Variants in PAPPA observed in about 807,000 individuals in gnomAD.
The protein encoded by PAPPA is pappalysin 1, also known as pappalysin-1.
PAPPA carries 60 observed loss-of-function variants against 164.0 expected under a neutral mutation model. The observed-to-expected ratio is 0.37, with a 90% confidence interval of 0.30 to 0.45. PAPPA has a LOEUF of 0.45. Among genes scored for constraint, PAPPA ranks in the 20% least tolerant of loss-of-function variants. PAPPA has a pLI of 1.00. For missense variants in PAPPA, 1,782 were observed against 2,087.3 expected, an observed-to-expected ratio of 0.85 and a Z score of 2.85; for synonymous variants, 875 against 814.1, an observed-to-expected ratio of 1.07 and a Z score of -1.27.
At chr9:116,343,838 G>A (rs1846170636) in intron 13 of PAPPA, among the ~76,000 whole-genome samples, 1 of 151,810 alleles carries the variant, frequency 6.6e-6, no homozygotes. Flanking sequence ...TCAGCTCACT[G>A]CAACCTCCAC....
At chr9:116,223,905 G>A (rs765800013) in intron 5 of PAPPA, among the ~76,000 whole-genome samples, 6 of 152,140 alleles carry the variant, frequency 3.9e-5, no homozygotes, top group African/African-American at 7.2e-5. Context: ...TCCTGCCCAC[G>A]TCACCTGGCT....
intron 7 of PAPPA, among the ~76,000 whole-genome samples, chr9:116,261,562 C>T (rs989704971): frequency 6.6e-6 from 1 of 152,108 alleles, no homozygotes; most frequent in African/African-American, 2.4e-5. Flanking sequence ...TTTTAATTGA[C>T]CTATCATATT....
At chr9:116,297,545 C>T (rs1479414702) in intron 9 of PAPPA, among the ~76,000 whole-genome samples, 1 of 152,168 alleles carries the variant, frequency 6.6e-6, no homozygotes, top group African/African-American at 2.4e-5. Context: ...CATAAATTCC[C>T]AAAGTTTCTA....
At chr9:116,354,850 C>T (rs1470834426) in intron 17 of PAPPA, among the ~76,000 whole-genome samples, 1 of 152,064 alleles carries the variant, frequency 6.6e-6, no homozygotes, top group Non-Finnish European at 1.5e-5. Context: ...AACCAGGAGC[C>T]CCCGTCCCTT....
intron 9 of PAPPA, among the ~76,000 whole-genome samples, chr9:116,281,789 A>G (rs1845270915): frequency 6.6e-6 from 1 of 152,110 alleles, no homozygotes; most frequent in Non-Finnish European, 1.5e-5. Context: ...CCCACCAGAC[A>G]AGCAAATCTT....
At chr9:116,202,782 G>A (rs1188227297) in intron 2 of PAPPA, among the ~76,000 whole-genome samples, 5 of 152,214 alleles carry the variant, frequency 3.3e-5, no homozygotes, top group African/African-American at 9.6e-5. Flanking sequence ...TGTGCTATCT[G>A]TCTTACTCTT....
chr9:116,368,298 G>A (rs1336905493), intron 19 of PAPPA, among the ~76,000 whole-genome samples: 3 of 152,240 alleles, frequency 2.0e-5, no homozygotes. Context: ...CCACGTTCAT[G>A]TGTCCGGTGC....
rs369903797 is a variant in PAPPA at position 116,187,958 on chromosome 9, G to A, written c.1220G>A (p.Arg407His). The A allele has an allele frequency of 1.9e-4, 302 of 1,613,968 alleles. No individual in the cohort carries two copies. Among genetic ancestry groups the A allele is most frequent in the Admixed American group, 3.0e-4 (18 of 60,006 alleles). ...GAGGTGAGCAACTCCTCCCTTCGCCGCCGCCTCATCCTGGCCAACTGTGAC... is the reference window on the plus strand; with the variant it reads ...GAGGTGAGCAACTCCTCCCTTCGCCACCGCCTCATCCTGGCCAACTGTGAC... ...VLEVSNSSLR[R>H]RLILANCDIS... is the part of the protein sequence containing the mutation. The change falls in exon 2 of 22, where the codon CGC (arginine) becomes CAC (histidine). Residue 407 changes from arginine to histidine, a missense_variant. By Grantham distance (29) the Arg-to-His change is conservative. Around this residue, in one of 2 missense-constraint regions of PAPPA, gnomAD observed 1,324 missense variants for 1,656.9 expected, o/e 0.80. Coordinates refer to ENST00000328252, the MANE Select transcript of PAPPA (RefSeq NM_002581.5). This position sits in a 1 kb window ranked among gnomAD's most constrained non-coding sequence, Gnocchi z 4.2.
intron 4 of PAPPA, among the ~76,000 whole-genome samples, chr9:116,214,042 G>A (rs1300952199): frequency 6.6e-6 from 1 of 152,096 alleles, no homozygotes; most frequent in Non-Finnish European, 1.5e-5. Context: ...CTGATCACTG[G>A]TAGGGTAAAG....
intron 21 of PAPPA, among the ~76,000 whole-genome samples, chr9:116,390,430 G>A (rs1017743162): frequency 1.3e-5 from 2 of 152,110 alleles, no homozygotes; most frequent in South Asian, 2.1e-4. Context: ...AGGGATAAAA[G>A]ATAAGCCTAG....
chr9:116,258,452 T>G (rs966162910), intron 7 of PAPPA, among the ~76,000 whole-genome samples: 2 of 151,520 alleles, frequency 1.3e-5, no homozygotes, highest in African/African-American at 4.8e-5. Context: ...AGGTTGGGAG[T>G]TTGATACCAG....
At chr9:116,346,676 A>G (rs1846213958) in intron 14 of PAPPA, among the ~76,000 whole-genome samples, 1 of 152,206 alleles carries the variant, frequency 6.6e-6, no homozygotes, top group Non-Finnish European at 1.5e-5. Context: ...GTGAGGTCTC[A>G]AAACCTCAAG....
chr9:116,380,299 T>TGGAC (rs1242113891), intron 20 of PAPPA, among the ~76,000 whole-genome samples: 1 of 151,782 alleles, frequency 6.6e-6, no homozygotes, highest in Non-Finnish European at 1.5e-5. Context: ...AATGAATGGA[T>TGGAC]GGATGGATGG....
chr9:116,299,665 G>A (rs1407879), intron 9 of PAPPA, among the ~76,000 whole-genome samples: 145,211 of 152,222 alleles, frequency 0.95, 69,678 homozygotes, highest in East Asian at 1. Context: ...TTCTGTAGCT[G>A]TGGCATGTAG....
rs1846232605 is a variant in PAPPA, at chr9:116,347,900, T to C, written c.3964+691T>C. ...GGTGTCCTAGAATGCTGGGACTAGA[T>C]GTGGAATGTGTTAATAACTCCAGAC... is the stretch of plus-strand genomic sequence containing the variant. On this transcript the variant is annotated intron_variant, in intron 15 of 21. Transcript: ENST00000328252. The surrounding 1 kb of genome is among the most constrained non-coding windows in gnomAD (Gnocchi z 4.5). 6.6e-6 allele frequency among the ~76,000 whole-genome samples: 1 copy of C among 152,184 alleles called. No individual in the cohort carries two copies.
chr9:116,293,240 T>C (rs1845458927), intron 9 of PAPPA, among the ~76,000 whole-genome samples: 1 of 152,228 alleles, frequency 6.6e-6, no homozygotes, highest in Non-Finnish European at 1.5e-5. Flanking sequence ...AGGAGACGTA[T>C]AACAGAATGA....
At chr9:116,382,343 C>A in intron 20 of PAPPA, 52 bp from the exon 21 acceptor site, 1 of 1,113,836 alleles carries the variant, frequency 9.0e-7, no homozygotes, top group South Asian at 1.2e-5. Context: ...AGCTCCCACT[C>A]ACTCCAGGAT....
At chr9:116,247,716 A>C (rs1844813197) in intron 7 of PAPPA, among the ~76,000 whole-genome samples, 1 of 152,118 alleles carries the variant, frequency 6.6e-6, no homozygotes, top group African/African-American at 2.4e-5. Context: ...GACAAAATCT[A>C]TTCAGTCTGT....
intron 16 of PAPPA, 63 bp downstream of exon 16, chr9:116,352,979 C>A: frequency 8.1e-7 from 1 of 1,228,860 alleles, no homozygotes; most frequent in Non-Finnish European, 1.2e-6. Flanking sequence ...GTTCAAATGC[C>A]TGACTGGACG....
Sources: gnomAD v4.1 joint callset for allele counts (sites outside exome capture counted in the v4.1 genomes callset) on GRCh38, gnomAD v4.1.1 for gene constraint, gnomAD v4.1.1 regional missense constraint, Gnocchi (gnomAD v3.1) non-coding constraint, MANE v1.5 for transcripts, NCBI Gene and HGNC (gene_info 2026-07-23, HGNC 2026-07-21) for gene names.